Variants in CDC5L observed in about 807,000 individuals in gnomAD.
The protein encoded by CDC5L is cell division cycle 5-like protein.
CDC5L carries 18 observed loss-of-function variants against 104.1 expected under a neutral mutation model. The ratio of observed to expected loss-of-function variants is 0.17; its 90% CI spans 0.12 to 0.26. CDC5L has a LOEUF of 0.26. CDC5L is among the 10% of genes least tolerant of loss of function. The pLI is 1.00. For missense variants in CDC5L, 673 were observed against 956.9 expected, an observed-to-expected ratio of 0.70 and a Z score of 3.91; for synonymous variants, 331 against 322.7, an observed-to-expected ratio of 1.03 and a Z score of -0.28.
intron 8 of CDC5L, among the ~76,000 whole-genome samples, chr6:44,410,728 A>G (rs1316344374): frequency 6.6e-6 from 1 of 152,060 alleles, no homozygotes; most frequent in Non-Finnish European, 1.5e-5. Flanking sequence ...TTTATGATGC[A>G]TGTTTCTTGG....
At chr6:44,436,327 G>A (rs1792936589) in intron 14 of CDC5L, among the ~76,000 whole-genome samples, 1 of 152,176 alleles carries the variant, frequency 6.6e-6, no homozygotes, top group Admixed American at 6.5e-5. Context: ...TTTGAGGAAT[G>A]TCTGAAGTTT....
chr6:44,412,621 GA>G (rs1316022814), intron 8 of CDC5L, among the ~76,000 whole-genome samples: 3 of 151,200 alleles, frequency 2.0e-5, no homozygotes, highest in African/African-American at 4.9e-5. Context: ...TTAATTTTGG[GA>G]AAAAATTACA....
chr6:44,394,889 TATACACACACACAC>T (rs1444982499), intron 4 of CDC5L, among the ~76,000 whole-genome samples: 9 of 27,478 alleles, frequency 3.3e-4, no homozygotes, highest in East Asian at 2.6e-3. Context: ...AAAAAAATGG[TATACACACACACAC>T]ACACACACAC....
chr6:44,430,558 C>A, intron 14 of CDC5L, among the ~76,000 whole-genome samples: 1 of 150,476 alleles, frequency 6.6e-6, no homozygotes, highest in African/African-American at 2.5e-5. Context: ...CACAGACCAC[C>A]AGGCTGCCTT....
Position 44,394,656 on chromosome 6 carries a change from G to A in CDC5L, c.439+1083G>A, listed in dbSNP as rs186126885. ...AGATCACTTGAGCCCAGGAGTTCAA[G>A]ATCAGCCTGGCCAACATGGTGAAAC... On this transcript the variant is annotated intron_variant, in intron 4 of 15. Coordinates refer to ENST00000371477, the MANE Select transcript of CDC5L (RefSeq NM_001253.4). Among the ~76,000 whole-genome samples the A allele has an allele frequency of 6.1e-5, 8 of 131,492 alleles. No individual in the cohort carries two copies. In the East Asian group the frequency reaches 1.4e-3, roughly 23 times the overall value. The allele number at this position is 131,492 out of a possible 152,430, so 86.3% of individuals were successfully genotyped here.
chr6:44,397,574 A>G (rs866191698), intron 5 of CDC5L, among the ~76,000 whole-genome samples: 16 of 152,234 alleles, frequency 1.1e-4, no homozygotes, highest in East Asian at 1.9e-4. Context: ...CTGTTGGCAT[A>G]TGAGAGCTTC....
At chr6:44,416,694 C>A (rs1018122877) in intron 8 of CDC5L, among the ~76,000 whole-genome samples, 3 of 152,226 alleles carry the variant, frequency 2.0e-5, no homozygotes, top group African/African-American at 7.2e-5. Flanking sequence ...GATGCACCGG[C>A]ATTTTACTGG....
intron 11 of CDC5L, among the ~76,000 whole-genome samples, chr6:44,424,950 G>A (rs372192701): frequency 4.6e-5 from 7 of 152,098 alleles, no homozygotes; most frequent in Non-Finnish European, 8.8e-5. Context: ...TGCGATGTAC[G>A]AGCCTGTAGT....
chr6:44,405,681 G>A (rs921305188), intron 6 of CDC5L, among the ~76,000 whole-genome samples: 5 of 151,696 alleles, frequency 3.3e-5, no homozygotes, highest in Admixed American at 3.3e-4. Context: ...ATGTGCACAC[G>A]TTTTTATTGA....
At chr6:44,387,921 T>A (rs1790403876) in intron 1 of CDC5L, 53 bp downstream of exon 1, 1 of 1,532,746 alleles carries the variant, frequency 6.5e-7, no homozygotes, top group Non-Finnish European at 8.8e-7. Context: ...TAGCAGCTTG[T>A]GCGCACGCGC....
chr6:44,397,086 C>T (rs1185092235), intron 5 of CDC5L, among the ~76,000 whole-genome samples: 2 of 152,194 alleles, frequency 1.3e-5, no homozygotes, highest in Admixed American at 6.5e-5. Flanking sequence ...CTTATCAACT[C>T]GACCTTCAGC....
intron 2 of CDC5L, 118 bp downstream of exon 2, chr6:44,390,489 G>A (rs1790538971): frequency 2.9e-6 from 2 of 685,678 alleles, no homozygotes; most frequent in Non-Finnish European, 4.8e-6. Context: ...AAGGCATGGA[G>A]TGGGAGATGG....
In CDC5L at chr6:44,393,632, C is replaced by T. The variant is rs1790722153; in HGVS notation, c.439+59C>T. ...GTAACTGTAAACTCCTTGGGCCTCA[C>T]TCTTTTAGTTCCTTTCTGAACTCCT... On this transcript the variant is annotated intron_variant, in intron 4 of 15. Coordinates refer to ENST00000371477, the MANE Select transcript of CDC5L (RefSeq NM_001253.4). The T allele has an allele frequency of 2.0e-6, 3 of 1,524,648 alleles. No homozygotes were observed. The Admixed American group carries it at 5.9e-5, about 30-fold the overall frequency. 94.4% of individuals were successfully genotyped at this position (1,524,648 alleles called of 1,614,324 possible).
rs1790675157 is a variant in CDC5L, at chr6:44,392,661, TA to T, written c.150-4del. The T allele has an allele frequency of 6.2e-7, 1 of 1,612,594 alleles. No individual in the cohort carries two copies. Among genetic ancestry groups the T allele is most frequent in the Non-Finnish European group, 8.5e-7 (1 of 1,179,040 alleles). On this transcript the variant is annotated splice_region_variant and splice_polypyrimidine_tract_variant and intron_variant, in intron 2 of 15. Transcript: ENST00000371477. ...ATTAATATATAAAATGATCTATGTTTAATAGGTATGAATGGCTGGATCCAAG... is the reference window on the plus strand; with the variant it reads ...ATTAATATATAAAATGATCTATGTTTATAGGTATGAATGGCTGGATCCAAG...
At chr6:44,407,615 A>C (rs1447517714) in intron 7 of CDC5L, among the ~76,000 whole-genome samples, 1 of 152,188 alleles carries the variant, frequency 6.6e-6, no homozygotes, top group Non-Finnish European at 1.5e-5. Flanking sequence ...TATAGGCATG[A>C]GCCACCGTGC....
intron 8 of CDC5L, among the ~76,000 whole-genome samples, chr6:44,412,700 A>G (rs1381108860): frequency 1.3e-5 from 2 of 151,430 alleles, no homozygotes; most frequent in South Asian, 2.1e-4. Flanking sequence ...TTATTGAGAT[A>G]CCATTCTTAC....
chr6:44,413,416 C>A (rs1791747865), intron 8 of CDC5L, among the ~76,000 whole-genome samples: 1 of 152,070 alleles, frequency 6.6e-6, no homozygotes, highest in Non-Finnish European at 1.5e-5. Flanking sequence ...TGAGTTGTTT[C>A]TACCTTTTGA....
Position 44,422,729 on chromosome 6 carries a change from A to T in CDC5L, c.1324A>T (p.Thr442Ser). 2 of 1,612,462 alleles carry T rather than the reference A, an allele frequency of 1.2e-6. No individual in the cohort carries two copies. The highest frequency in any genetic ancestry group is 1.3e-5 in the African/African-American group (1 of 74,964). ...KPVINSTPGR[T>S]PLRDKLNINP... is the part of the protein sequence containing the mutation. ...AGTTATTAACTCTACTCCGGGTAGA[A>T]CTCCTCTTCGAGACAAGTTAAACAT... Residue 442 changes from threonine (T) to serine (S), a missense_variant, in exon 10 of 16, where the codon ACT (threonine) becomes TCT (serine). This residue lies in a region of CDC5L where 578 missense variants were observed against 737.0 expected (regional missense o/e 0.78). Coordinates refer to ENST00000371477, the MANE Select transcript of CDC5L (RefSeq NM_001253.4).
chr6:44,398,044 A>G (rs1042350973), intron 5 of CDC5L, among the ~76,000 whole-genome samples: 6 of 152,150 alleles, frequency 3.9e-5, no homozygotes, highest in African/African-American at 1.4e-4. Context: ...GATGACCAGC[A>G]TTATGTTGTA....
Sources: allele counts gnomAD v4.1 joint callset (sites outside exome capture counted in the v4.1 genomes callset), GRCh38; gene constraint gnomAD v4.1.1; regional missense constraint gnomAD v4.1.1; transcripts MANE v1.5; gene names NCBI Gene and HGNC (gene_info 2026-07-23, HGNC 2026-07-21).